Variants in DGCR8 observed in about 807,000 individuals in gnomAD.
DGCR8 encodes the protein microprocessor complex subunit DGCR8.
Under a neutral mutation model 78.5 loss-of-function variants are expected in DGCR8, and 14 were observed. The observed-to-expected ratio is 0.18, with a 90% CI of 0.12 to 0.28. The LOEUF is 0.28. DGCR8 is among the 10% of genes least tolerant of loss of function. The pLI, the probability that DGCR8 is intolerant of heterozygous loss-of-function variation, is 1.00. For synonymous variants in DGCR8, 399 were observed against 402.4 expected (o/e 0.99, Z 0.10); for missense variants, 702 against 1,022.5 (o/e 0.69, Z 4.28).
At chr22:20,084,335 T>TGCATGCGTGTTCCTGTGCAC (rs2049453682) in intron 1 of DGCR8, among the ~76,000 whole-genome samples, 1 of 152,224 alleles carries the variant, frequency 6.6e-6, no homozygotes. Context: ...CGCATGTGCA[T>TGCATGCGTGTTCCTGTGCAC]GCATGCGTGT....
At chr22:20,083,719 C>G (rs1010490509) in intron 1 of DGCR8, among the ~76,000 whole-genome samples, 2 of 152,102 alleles carry the variant, frequency 1.3e-5, no homozygotes, top group Non-Finnish European at 2.9e-5. Flanking sequence ...TATGGGACTG[C>G]CAGGTTCTGA....
Position 20,085,886 on chromosome 22 carries a change from T to C in DGCR8, c.-78T>C. 1 of 1,502,838 alleles carries C rather than the reference T, an allele frequency of 6.7e-7. No homozygotes were observed. 93.1% of individuals were successfully genotyped at this position (1,502,838 alleles called of 1,614,324 possible). A position where few individuals can be genotyped will look rare whatever the true frequency, so the allele number is the denominator to read the frequency against. On this transcript the variant is annotated 5_prime_UTR_variant, in exon 2 of 14. Coordinates refer to ENST00000351989, the MANE Select transcript of DGCR8 (RefSeq NM_022720.7). The surrounding 1 kb of genome is among the most constrained non-coding windows in gnomAD (Gnocchi z 6.2). ...GGACGCGCCCGGGTCTCAGCGGACTTGTGCATGTTAGCTGTGTAGATTTAT... is the reference window on the plus strand; with the variant it reads ...GGACGCGCCCGGGTCTCAGCGGACTCGTGCATGTTAGCTGTGTAGATTTAT...
Position 20,087,842 on chromosome 22 carries a change from G to A in DGCR8, c.880+521G>A, listed in dbSNP as rs984241000. Among the ~76,000 whole-genome samples, 2 of 152,216 alleles carry A rather than the reference G, an allele frequency of 1.3e-5. No individual in the cohort carries two copies. Among genetic ancestry groups the A allele is most frequent in the Admixed American group, 6.5e-5 (1 of 15,288 alleles). On this transcript the variant is annotated intron_variant, in intron 3 of 13. Transcript: ENST00000351989. The surrounding 1 kb of genome is among the most constrained non-coding windows in gnomAD (Gnocchi z 4.1). ...GCAGGGTGGAAGTGCCCTGGTCGACGTGGCACTTCCTCAACTTTGAGTTGA... is the reference window on the plus strand; with the variant it reads ...GCAGGGTGGAAGTGCCCTGGTCGACATGGCACTTCCTCAACTTTGAGTTGA...
rs112947298 is a variant in DGCR8, at chr22:20,111,320, G to T, written c.*1212G>T. The stretch of plus-strand genomic sequence containing the variant: ...TGAAGCAAGAGTCCAGCGTTCTGCC[G>T]TGTCTGTCCCCCACCATGCCCCCTA... On this transcript the variant is annotated 3_prime_UTR_variant, in exon 14 of 14. Coordinates refer to ENST00000351989, the MANE Select transcript of DGCR8 (RefSeq NM_022720.7). 4.8e-5 allele frequency: 19 copies of T among 398,488 alleles called. No individual in the cohort carries two copies. Among genetic ancestry groups the T allele is most frequent in the Admixed American group, 8.8e-5 (2 of 22,702 alleles). The allele number at this position is 398,488 out of a possible 1,614,324, so 24.7% of individuals were successfully genotyped here.
At chr22:20,108,756 G>T in intron 12 of DGCR8, 134 bp from the exon 13 acceptor site, 1 of 672,460 alleles carries the variant, frequency 1.5e-6, no homozygotes, top group Non-Finnish European at 2.8e-6. Flanking sequence ...TGTTGCCACA[G>T]CTCCTGGCTG....
In DGCR8 at chr22:20,086,753, C is replaced by A; in HGVS notation, c.720+70C>A. The A allele has an allele frequency of 4.6e-5, 62 of 1,336,642 alleles. No individual in the cohort carries two copies. Among genetic ancestry groups the A allele is most frequent in the Non-Finnish European group, 5.5e-5 (55 of 991,956 alleles). The allele number at this position is 1,336,642 out of a possible 1,614,324, so 82.8% of individuals were successfully genotyped here. On this transcript the variant is annotated intron_variant, in intron 2 of 13. Transcript: ENST00000351989. The surrounding 1 kb of genome is among the most constrained non-coding windows in gnomAD (Gnocchi z 6.4). ...AAGAGAGATTTGGGAATTGCAGCAT[C>A]TTTTGAAAGCAGGGAAATTAAAAAA...
chr22:20,100,808 A>G, intron 9 of DGCR8: 3 of 985,000 alleles, frequency 3.0e-6, no homozygotes, highest in Non-Finnish European at 3.6e-6. Flanking sequence ...CCACACCCCT[A>G]CTCCGATCCT....
intron 10 of DGCR8, 59 bp downstream of exon 10, chr22:20,106,336 C>G: frequency 7.1e-7 from 1 of 1,411,934 alleles, no homozygotes; most frequent in South Asian, 1.2e-5. Context: ...TCTCTGGCGT[C>G]TCATATTCTT....
chr22:20,085,745 T>TTAA lies in DGCR8; in HGVS notation c.-218_-216dup. 4 of 1,394,556 alleles carry TTAA rather than the reference T, an allele frequency of 2.9e-6. No homozygotes were observed. The highest frequency in any genetic ancestry group is 3.7e-6 in the Non-Finnish European group (4 of 1,080,522). 86.4% of individuals were successfully genotyped at this position (1,394,556 alleles called of 1,614,324 possible). A position where few individuals can be genotyped will look rare whatever the true frequency, so the allele number is the denominator to read the frequency against. On this transcript the variant is annotated 5_prime_UTR_variant, in exon 2 of 14. Coordinates refer to ENST00000351989, the MANE Select transcript of DGCR8 (RefSeq NM_022720.7). This position sits in a 1 kb window ranked among gnomAD's most constrained non-coding sequence, Gnocchi z 6.2. ...ACAGACTCGCTTAGTCGCCAGTCAC[T>TTAA]TAAGCTGAGTGCATTGTGATTTCCA...
At chr22:20,080,588 CG>C (rs34310575) in intron 1 of DGCR8, 36,046 of 687,226 alleles carry the variant, frequency 0.052, 1,314 homozygotes, top group Non-Finnish European at 0.06. Context: ...GGGCGGGCCC[CG>C]GGCCCAGGCG....
chr22:20,106,255 ATCC>A lies in DGCR8; in HGVS notation c.1871_1873del (p.Leu624del). The A allele has an allele frequency of 6.2e-7, 1 of 1,613,760 alleles. No homozygotes were observed. Among genetic ancestry groups the A allele is most frequent in the Non-Finnish European group, 8.5e-7 (1 of 1,180,014 alleles). ...GGCTGGGCTGTTGTCTCCATATCAG[ATCC>A]TCCACGAGTGCCTTAAAAGGTAGGG... On this transcript the variant is annotated inframe_deletion, in exon 10 of 14. Coordinates refer to ENST00000351989, the MANE Select transcript of DGCR8 (RefSeq NM_022720.7).
At chr22:20,101,137 G>T in intron 9 of DGCR8, 5 of 908,202 alleles carry the variant, frequency 5.5e-6, no homozygotes, top group Non-Finnish European at 6.6e-6. Flanking sequence ...GACAAACCTA[G>T]CACTCAGGAA....
At chr22:20,090,577 G>T (rs1379676653) in intron 5 of DGCR8, among the ~76,000 whole-genome samples, 1 of 152,212 alleles carries the variant, frequency 6.6e-6, no homozygotes, top group Non-Finnish European at 1.5e-5. Context: ...TGCTTTTTCA[G>T]TAGGATGTGC....
chr22:20,100,840 A>G (rs979285524), intron 9 of DGCR8: 1 of 984,296 alleles, frequency 1.0e-6, no homozygotes, highest in Admixed American at 6.2e-5. Flanking sequence ...GCCTGTCTGG[A>G]GCTAGCGTCA....
chr22:20,093,404 A>T (rs9606243), intron 8 of DGCR8, among the ~76,000 whole-genome samples: 1 of 146,202 alleles, frequency 6.8e-6, no homozygotes, highest in African/African-American at 2.5e-5. Context: ...GACTCTGTCT[A>T]AAAAAAAAAA....
chr22:20,105,663 TGCTGG>T (rs1302923836), intron 9 of DGCR8, among the ~76,000 whole-genome samples: 1 of 152,224 alleles, frequency 6.6e-6, no homozygotes, highest in Non-Finnish European at 1.5e-5. Context: ...TTGGAAGCCT[TGCTGG>T]GCTGGGCCTC....
rs2049525114 is a variant in DGCR8 at position 20,089,253 on chromosome 22, C to T, written c.881-416C>T. On this transcript the variant is annotated intron_variant, in intron 3 of 13. Coordinates refer to ENST00000351989, the MANE Select transcript of DGCR8 (RefSeq NM_022720.7). This position sits in a 1 kb window ranked among gnomAD's most constrained non-coding sequence, Gnocchi z 4.9. ...GAGTGCAGCTCAGTTACAATAAAGA[C>T]TTGTCACCTGGTCACTGGGAGCAGT... is the stretch of plus-strand genomic sequence containing the variant. Among the ~76,000 whole-genome samples, 1 of 152,232 alleles carries T rather than the reference C, an allele frequency of 6.6e-6. No individual in the cohort carries two copies. Among genetic ancestry groups the T allele is most frequent in the Non-Finnish European group, 1.5e-5 (1 of 68,044 alleles).
At chr22:20,088,661 C>T (rs2049517561) in intron 3 of DGCR8, among the ~76,000 whole-genome samples, 1 of 152,236 alleles carries the variant, frequency 6.6e-6, no homozygotes, top group Non-Finnish European at 1.5e-5. Context: ...ACACTCCCTC[C>T]CTGAATCATC....
chr22:20,088,923 T>C (rs2049521052), intron 3 of DGCR8, among the ~76,000 whole-genome samples: 1 of 152,134 alleles, frequency 6.6e-6, no homozygotes. Context: ...GCCAGGACTA[T>C]AGGTGTATGC....
Sources: gnomAD v4.1 joint callset for allele counts (sites outside exome capture counted in the v4.1 genomes callset) on GRCh38, gnomAD v4.1.1 for gene constraint, Gnocchi (gnomAD v3.1) non-coding constraint, MANE v1.5 for transcripts, NCBI Gene and HGNC (gene_info 2026-07-23, HGNC 2026-07-21) for gene names.